The following SAMD12 variants were observed in gnomAD, a reference collection of about 807,000 sequenced individuals.
The protein encoded by SAMD12 is sterile alpha motif domain containing 12.
Under a neutral mutation model 15.0 loss-of-function variants are expected in SAMD12, and 9 were observed. The observed-to-expected ratio is 0.60, with a 90% CI of 0.36 to 1.05. The LOEUF (loss-of-function observed/expected upper bound fraction) is 1.05, where lower values mean the gene tolerates loss of function less well. Among genes scored for constraint, SAMD12 ranks in the 50% least tolerant of loss-of-function variants. SAMD12 has a pLI of 0.01. For synonymous variants in SAMD12, 86 were observed against 90.1 expected (o/e 0.96, Z 0.25); for missense variants, 230 against 234.2 (o/e 0.98, Z 0.12).
At chr8:118,535,172 G>A (rs1825802994) in intron 2 of SAMD12, among the ~76,000 whole-genome samples, 1 of 152,150 alleles carries the variant, frequency 6.6e-6, no homozygotes, top group East Asian at 1.9e-4. Context: ...TAACAGTCAG[G>A]ACCCTCAGCC....
At chr8:118,492,139 T>TTA (rs56930446) in intron 2 of SAMD12, among the ~76,000 whole-genome samples, 1 of 151,122 alleles carries the variant, frequency 6.6e-6, no homozygotes, top group African/African-American at 2.4e-5. Flanking sequence ...TTTTTTTTTT[T>TTA]AAGTTTTAAG....
intron 4 of SAMD12, among the ~76,000 whole-genome samples, chr8:118,239,101 T>C (rs1457837849): frequency 6.6e-6 from 1 of 152,040 alleles, no homozygotes; most frequent in Non-Finnish European, 1.5e-5. Context: ...TCTTATGCCA[T>C]GAGGATGGGG....
At chr8:118,189,961 A>AG (rs1554609380) in exon 5 of SAMD12, 2 of 151,414 alleles carry the variant, frequency 1.3e-5, no homozygotes, top group African/African-American at 4.8e-5. Flanking sequence ...AAAAAAAAAA[A>AG]AAAAAAAAGA....
chr8:118,511,518 G>A (rs1237541330), intron 2 of SAMD12, among the ~76,000 whole-genome samples: 1 of 151,896 alleles, frequency 6.6e-6, no homozygotes, highest in African/African-American at 2.4e-5. Flanking sequence ...ATTTGATAAT[G>A]CAAACCTCAG....
At chr8:118,494,578 C>T (rs1035300201) in intron 2 of SAMD12, among the ~76,000 whole-genome samples, 13 of 152,180 alleles carry the variant, frequency 8.5e-5, no homozygotes, top group Admixed American at 2.0e-4. Flanking sequence ...TGAAGGACAT[C>T]GTGCCTCTGT....
At chr8:118,243,023 C>T (rs1812608751) in intron 4 of SAMD12, among the ~76,000 whole-genome samples, 1 of 152,110 alleles carries the variant, frequency 6.6e-6, no homozygotes, top group Non-Finnish European at 1.5e-5. Context: ...TGGTCTAAAG[C>T]AGATAAATTC....
chr8:118,515,772 C>T (rs1273208908), intron 2 of SAMD12, among the ~76,000 whole-genome samples: 2 of 152,152 alleles, frequency 1.3e-5, no homozygotes, highest in African/African-American at 2.4e-5. Context: ...TCTTGCGCGG[C>T]ATCACCAACT....
intron 4 of SAMD12, among the ~76,000 whole-genome samples, chr8:118,219,136 GT>G (rs1437895166): frequency 6.6e-6 from 1 of 151,958 alleles, no homozygotes; most frequent in Non-Finnish European, 1.5e-5. Flanking sequence ...CTTTTTTTAC[GT>G]TTGCCTGAAC....
chr8:118,147,977 G>A, the SAMD12 span, among the ~76,000 whole-genome samples: 1,351 of 151,786 alleles, frequency 8.9e-3, 23 homozygotes, highest in African/African-American at 0.031. Context: ...ACCCAAGCTG[G>A]AGTGCAGTGG....
rs2130641905 is a variant in SAMD12, at chr8:118,362,109, G to A, written c.433+17451C>T. 2.6e-5 allele frequency among the ~76,000 whole-genome samples: 4 copies of A among 152,126 alleles called. No homozygotes were observed. The South Asian group carries it at 8.3e-4, about 32-fold the overall frequency. ...CTTTGGTGGGGGTGGGGAGTGGGAT[G>A]AAGGGAGGGACAGTGAAGAGAATTG... On this transcript the variant is annotated intron_variant, in intron 4 of 4. Coordinates refer to the SAMD12 transcript ENST00000409003.
intron 4 of SAMD12, among the ~76,000 whole-genome samples, chr8:118,293,809 A>G (rs1293778650): frequency 6.6e-6 from 1 of 152,156 alleles, no homozygotes; most frequent in Admixed American, 6.5e-5. Flanking sequence ...GTCTGTTGGC[A>G]AAACCTGATT....
chr8:118,340,149 AT>A (rs1817277987), intron 4 of SAMD12, among the ~76,000 whole-genome samples: 1 of 152,248 alleles, frequency 6.6e-6, no homozygotes, highest in African/African-American at 2.4e-5. Flanking sequence ...CACAGGCTGT[AT>A]TGCCATGGAA....
chr8:118,552,413 C>G (rs988289841), intron 2 of SAMD12, among the ~76,000 whole-genome samples: 1 of 152,020 alleles, frequency 6.6e-6, no homozygotes, highest in Non-Finnish European at 1.5e-5. Context: ...ATAAACAGAA[C>G]CAAAGACAAA....
chr8:118,520,745 A>G (rs1048796962), intron 2 of SAMD12, among the ~76,000 whole-genome samples: 1 of 152,220 alleles, frequency 6.6e-6, no homozygotes, highest in African/African-American at 2.4e-5. Flanking sequence ...TCCAAATATC[A>G]AAGGTCAGAG....
chr8:118,459,623 C>G (rs930717361), intron 2 of SAMD12, among the ~76,000 whole-genome samples: 31 of 152,100 alleles, frequency 2.0e-4, no homozygotes, highest in African/African-American at 6.8e-4. Context: ...TATTTGGGGT[C>G]AGGTACATGC....
At chr8:118,163,673 A>C in the SAMD12 span, among the ~76,000 whole-genome samples, 1 of 151,860 alleles carries the variant, frequency 6.6e-6, no homozygotes, top group East Asian at 2.0e-4. Context: ...CAGGAGATCG[A>C]GACCATCCTG....
chr8:118,421,704 T>G (rs1822004901), intron 3 of SAMD12, among the ~76,000 whole-genome samples: 1 of 152,212 alleles, frequency 6.6e-6, no homozygotes. Flanking sequence ...AAAGGATATT[T>G]GCTTCCACCC....
intron 3 of SAMD12, among the ~76,000 whole-genome samples, chr8:118,391,559 A>G (rs1388298999): frequency 2.0e-5 from 3 of 152,210 alleles, no homozygotes; most frequent in Non-Finnish European, 4.4e-5. Flanking sequence ...CACATGCCAA[A>G]GAGAACAGGC....
At chr8:118,168,576 G>A in the SAMD12 span, among the ~76,000 whole-genome samples, 5,329 of 152,150 alleles carry the variant, frequency 0.035, 301 homozygotes, top group African/African-American at 0.12. Context: ...TCTTCTTCCC[G>A]GAATATTTTT....
Sources: allele counts gnomAD v4.1 joint callset (sites outside exome capture counted in the v4.1 genomes callset), GRCh38; gene constraint gnomAD v4.1.1; transcripts MANE v1.5; gene names NCBI Gene and HGNC (gene_info 2026-07-23, HGNC 2026-07-21).